The following TMEM232 variants were observed in gnomAD, a reference collection of about 807,000 sequenced individuals.
The protein encoded by TMEM232 is transmembrane protein 232.
In TMEM232, 80 loss-of-function variants were observed where a neutral mutation model predicts 78.8. The ratio of observed to expected loss-of-function variants is 1.01; its 90% CI spans 0.85 to 1.22. TMEM232 has a LOEUF of 1.22. TMEM232 is among the 50% of genes most tolerant of loss of function. TMEM232 has a pLI of 0.00. For missense variants in TMEM232, 881 were observed against 742.2 expected (o/e 1.19, Z -2.17); for synonymous variants, 297 against 254.3 (o/e 1.17, Z -1.60).
intron 10 of TMEM232, among the ~76,000 whole-genome samples, chr5:110,574,473 A>G (rs564825125): frequency 6.6e-6 from 1 of 152,180 alleles, no homozygotes; most frequent in Non-Finnish European, 1.5e-5. Context: ...AATAAAAATG[A>G]CATTATTTAC....
chr5:110,633,258 A>C (rs1419923197), intron 5 of TMEM232, among the ~76,000 whole-genome samples: 1 of 152,220 alleles, frequency 6.6e-6, no homozygotes, highest in African/African-American at 2.4e-5. Flanking sequence ...CTGGAAGAGG[A>C]AAGATGATAG....
intron 2 of TMEM232, among the ~76,000 whole-genome samples, chr5:110,645,724 CAAGT>C (rs1366337779): frequency 1.4e-4 from 21 of 151,326 alleles, no homozygotes; most frequent in African/African-American, 1.9e-4. Flanking sequence ...TTAGCCAGAG[CAAGT>C]AAGTAAGAAT....
chr5:110,679,890 T>G (rs1055701053), intron 1 of TMEM232, among the ~76,000 whole-genome samples: 3 of 152,180 alleles, frequency 2.0e-5, no homozygotes, highest in African/African-American at 7.2e-5. Context: ...TATTTTTCAT[T>G]TCATGGTAAT....
At chr5:110,412,836 T>C (rs1756048053) in intron 2 of TMEM232, among the ~76,000 whole-genome samples, 1 of 152,208 alleles carries the variant, frequency 6.6e-6, no homozygotes, top group African/African-American at 2.4e-5. Context: ...AGTAAGTTCT[T>C]AGAAAAGCAT....
chr5:110,441,256 T>A (rs1360354393), intron 12 of TMEM232, among the ~76,000 whole-genome samples: 1 of 152,142 alleles, frequency 6.6e-6, no homozygotes, highest in East Asian at 1.9e-4. Context: ...CATCCCCTAC[T>A]ATGATAATCG....
intron 8 of TMEM232, among the ~76,000 whole-genome samples, chr5:110,616,413 T>C (rs1317811909): frequency 6.6e-6 from 1 of 151,958 alleles, no homozygotes; most frequent in Non-Finnish European, 1.5e-5. Flanking sequence ...AAAAGTTAAC[T>C]CAAAATGGAT....
chr5:110,393,910 A>G (rs1755293733), intron 3 of TMEM232, among the ~76,000 whole-genome samples: 1 of 150,224 alleles, frequency 6.7e-6, no homozygotes, highest in Admixed American at 6.7e-5. Flanking sequence ...GCGGGCCACA[A>G]TCACGCCACT....
chr5:110,663,449 G>C (rs1229690894), intron 2 of TMEM232, among the ~76,000 whole-genome samples: 1 of 151,702 alleles, frequency 6.6e-6, no homozygotes, highest in African/African-American at 2.4e-5. Flanking sequence ...ATAGTTATTA[G>C]GGAATCTTAA....
At chr5:110,679,567 T>A (rs1356063403) in intron 1 of TMEM232, among the ~76,000 whole-genome samples, 1 of 152,166 alleles carries the variant, frequency 6.6e-6, no homozygotes, top group Non-Finnish European at 1.5e-5. Context: ...GAACATGTAT[T>A]TGGTGTCATA....
At chr5:110,634,968 A>G (rs930275686) in intron 5 of TMEM232, among the ~76,000 whole-genome samples, 2 of 152,024 alleles carry the variant, frequency 1.3e-5, no homozygotes, top group African/African-American at 4.8e-5. Context: ...AAGAAGAGAT[A>G]AGGCCACTCA....
intron 1 of TMEM232, among the ~76,000 whole-genome samples, chr5:110,703,376 C>A (rs1795622107): frequency 6.6e-6 from 1 of 151,982 alleles, no homozygotes; most frequent in South Asian, 2.1e-4. Flanking sequence ...CACTGGGGAC[C>A]TAAGAAAATG....
At chr5:110,707,065 A>G (rs1450257866) in intron 1 of TMEM232, among the ~76,000 whole-genome samples, 2 of 152,200 alleles carry the variant, frequency 1.3e-5, no homozygotes, top group Non-Finnish European at 2.9e-5. Context: ...GAATATCCAA[A>G]TAAAATTGTA....
At chr5:110,609,782 A>C (rs1271088739) in intron 8 of TMEM232, among the ~76,000 whole-genome samples, 1 of 152,118 alleles carries the variant, frequency 6.6e-6, no homozygotes, top group Non-Finnish European at 1.5e-5. Flanking sequence ...TTAAAAATAC[A>C]GTTTTTATAT....
intron 1 of TMEM232, among the ~76,000 whole-genome samples, chr5:110,675,447 G>T (rs1429599157): frequency 1.3e-5 from 2 of 152,114 alleles, no homozygotes; most frequent in African/African-American, 4.8e-5. Flanking sequence ...AAACCTAGAA[G>T]CTGGGAAATA....
At chr5:110,695,780 T>A (rs528261258) in intron 1 of TMEM232, among the ~76,000 whole-genome samples, 1 of 152,156 alleles carries the variant, frequency 6.6e-6, no homozygotes, top group South Asian at 2.1e-4. Flanking sequence ...AATAGACCAA[T>A]AACAGGCTCT....
chr5:110,499,617 A>T (rs1252091557), intron 12 of TMEM232, among the ~76,000 whole-genome samples: 3 of 136,414 alleles, frequency 2.2e-5, no homozygotes, highest in Non-Finnish European at 3.0e-5. Flanking sequence ...GGGGAAAAAT[A>T]TATGTATACA....
intron 7 of TMEM232, among the ~76,000 whole-genome samples, chr5:110,620,648 T>C (rs1580387192): frequency 8.2e-6 from 1 of 121,660 alleles, no homozygotes; most frequent in African/African-American, 3.5e-5. Context: ...TCCTCTCTCC[T>C]CTCTCTCTCT....
chr5:110,426,082 C>G (rs555608558), intron 12 of TMEM232, among the ~76,000 whole-genome samples: 4 of 151,894 alleles, frequency 2.6e-5, no homozygotes, highest in Non-Finnish European at 2.9e-5. Flanking sequence ...CCCACTGTTG[C>G]TTGTTTTCAC....
intron 12 of TMEM232, among the ~76,000 whole-genome samples, chr5:110,435,873 G>A (rs1200696216): frequency 6.6e-6 from 1 of 151,876 alleles, no homozygotes; most frequent in Non-Finnish European, 1.5e-5. Context: ...TGGACACTTG[G>A]GTTGCTTCTA....
Sources: gnomAD v4.1 joint callset for allele counts (sites outside exome capture counted in the v4.1 genomes callset) on GRCh38, gnomAD v4.1.1 for gene constraint, MANE v1.5 for transcripts, NCBI Gene and HGNC (gene_info 2026-07-23, HGNC 2026-07-21) for gene names.